The following LRRIQ4 variants were observed in gnomAD, a reference collection of about 807,000 sequenced individuals.
The protein encoded by LRRIQ4 is leucine-rich repeat and IQ domain-containing protein 4.
LRRIQ4 carries 21 observed loss-of-function variants against 40.1 expected under a neutral mutation model. The ratio of observed to expected loss-of-function variants is 0.52; its 90% CI spans 0.37 to 0.75. LRRIQ4 has a LOEUF of 0.75. Ranked by LOEUF, LRRIQ4 falls within the 30% of genes least tolerant of loss-of-function variation. The pLI, the probability that LRRIQ4 is intolerant of heterozygous loss-of-function variation, is 0.00. For synonymous variants in LRRIQ4, 277 were observed against 277.1 expected (o/e 1.00, Z 0.00); for missense variants, 655 against 660.0 (o/e 0.99, Z 0.08).
intron 3 of LRRIQ4, 82 bp from the exon 4 acceptor site, chr3:169,830,410 T>TAAA: frequency 8.5e-6 from 1 of 117,252 alleles, no homozygotes; most frequent in East Asian, 2.0e-4. Flanking sequence ...AAAAAAAAAA[T>TAAA]GCATGAGCAC....
intron 1 of LRRIQ4, among the ~76,000 whole-genome samples, chr3:169,817,603 G>A (rs1779793629): frequency 1.3e-5 from 2 of 152,100 alleles, no homozygotes. Flanking sequence ...TACATAACTA[G>A]GTGATCCAGT....
In LRRIQ4 at chr3:169,833,036, G is replaced by A. The variant is rs1306573187; in HGVS notation, c.1383G>A (p.Glu461=). 1 of 1,613,760 alleles carries A rather than the reference G, an allele frequency of 6.2e-7. No individual in the cohort carries two copies. ...LEDNLLTHLP[E]NLDSLVNLKV... ...ACAACTTGCTCACCCATCTTCCAGA[G>A]AATTTGGATTCCCTAGTGAATCTTA... The change falls in exon 5 of 6, where the codon GAG becomes GAA. Residue 461 remains glutamate, a synonymous_variant. Coordinates refer to ENST00000340806, the MANE Select transcript of LRRIQ4 (RefSeq NM_001080460.3).
chr3:169,821,069 G>A (rs777734467), intron 1 of LRRIQ4, among the ~76,000 whole-genome samples: 6 of 152,182 alleles, frequency 3.9e-5, no homozygotes, highest in Non-Finnish European at 7.4e-5. Flanking sequence ...CCTCAAACTT[G>A]CAAATGCCAT....
Position 169,831,996 on chromosome 3 carries a change from GA to G in LRRIQ4, c.1334-981del, listed in dbSNP as rs1242102893. On this transcript the variant is annotated intron_variant, in intron 4 of 5. Coordinates refer to ENST00000340806, the MANE Select transcript of LRRIQ4 (RefSeq NM_001080460.3). Reference sequence around the variant, plus strand: ...AAGTTAAAAAATTTAAAAAAAAAAAGAAAAAAAAAATGGAGACAAGGGGTTG... The same window carrying G: ...AAGTTAAAAAATTTAAAAAAAAAAAGAAAAAAAAATGGAGACAAGGGGTTG... 5.0e-3 allele frequency among the ~76,000 whole-genome samples: 726 copies of G among 144,986 alleles called. 7 individuals carry two copies. The highest frequency in any genetic ancestry group is 0.016 in the African/African-American group (623 of 39,210).
At chr3:169,834,407 T>A (rs758466584) in intron 5 of LRRIQ4, among the ~76,000 whole-genome samples, 8 of 152,220 alleles carry the variant, frequency 5.3e-5, no homozygotes, top group Non-Finnish European at 8.8e-5. Context: ...TGGATTACAC[T>A]TGAAAGAATG....
rs869088396 is a variant in LRRIQ4 at position 169,831,261 on chromosome 3, C to CTTTTT, written c.1333+657_1333+661dup. On this transcript the variant is annotated intron_variant, in intron 4 of 5. Transcript: ENST00000340806. The stretch of plus-strand genomic sequence containing the variant: ...CACATGTTTTCAAACTATGGCTATT[C>CTTTTT]TTTTTTTTTTTTTTTTTTTTTTTTT... Among the ~76,000 whole-genome samples, 68 of 33,450 alleles carry CTTTTT rather than the reference C, an allele frequency of 2.0e-3. 6 individuals are homozygous for CTTTTT. Among genetic ancestry groups the CTTTTT allele is most frequent in the African/African-American group, 2.5e-3 (24 of 9,752 alleles). 21.9% of individuals were successfully genotyped at this position (33,450 alleles called of 152,430 possible). A position where few individuals can be genotyped will look rare whatever the true frequency, so the allele number is the denominator to read the frequency against.
At chr3:169,831,523 T>C (rs1209018389) in intron 4 of LRRIQ4, among the ~76,000 whole-genome samples, 112 of 133,556 alleles carry the variant, frequency 8.4e-4, no homozygotes, top group African/African-American at 1.4e-3. Context: ...AGGATGGTCT[T>C]GATCTCCTGA....
chr3:169,830,377 G>GAA (rs56795981), intron 3 of LRRIQ4, 115 bp from the exon 4 acceptor site: 2,876 of 106,362 alleles, frequency 0.027, 820 homozygotes, highest in Admixed American at 0.033. Flanking sequence ...CACTGAAAGT[G>GAA]AAAAAAAAAA....
At chr3:169,835,977 C>T (rs1780294589) in intron 5 of LRRIQ4, among the ~76,000 whole-genome samples, 1 of 152,054 alleles carries the variant, frequency 6.6e-6, no homozygotes, top group Non-Finnish European at 1.5e-5. Flanking sequence ...ACAGCATACC[C>T]CCAGCCACCT....
chr3:169,823,044 C>T (rs916724133), intron 2 of LRRIQ4, 103 bp downstream of exon 2: 2 of 935,930 alleles, frequency 2.1e-6, no homozygotes, highest in Non-Finnish European at 3.0e-6. Flanking sequence ...ACTTTATGGG[C>T]GAAAATCCAA....
Position 169,832,982 on chromosome 3 carries a change from T to C in LRRIQ4, c.1334-5T>C. On this transcript the variant is annotated splice_polypyrimidine_tract_variant and splice_region_variant and intron_variant, in intron 4 of 5. Coordinates refer to ENST00000340806, the MANE Select transcript of LRRIQ4 (RefSeq NM_001080460.3). ...TGAACCACCATTACGAAAAAATCTT[T>C]TCAGCTTTGAAAGAATTACGGCTGG... The C allele has an allele frequency of 3.1e-6, 5 of 1,608,616 alleles. No individual in the cohort carries two copies. The highest frequency in any genetic ancestry group is 3.4e-6 in the Non-Finnish European group (4 of 1,178,080).
At chr3:169,827,820 C>A (rs1780075154) in intron 2 of LRRIQ4, among the ~76,000 whole-genome samples, 1 of 152,126 alleles carries the variant, frequency 6.6e-6, no homozygotes, top group Admixed American at 6.6e-5. Flanking sequence ...AAAAAGTATG[C>A]AAGCACTGTA....
intron 1 of LRRIQ4, among the ~76,000 whole-genome samples, chr3:169,818,837 G>A (rs1779815766): frequency 6.6e-6 from 1 of 152,136 alleles, no homozygotes; most frequent in Non-Finnish European, 1.5e-5. Context: ...CTTTTAACTA[G>A]AAATGGGTTT....
In LRRIQ4 at chr3:169,820,372, C is replaced by G. The variant is rs147047683; in HGVS notation, c.-31-1519C>G. On this transcript the variant is annotated intron_variant, in intron 1 of 5. Coordinates refer to ENST00000340806, the MANE Select transcript of LRRIQ4 (RefSeq NM_001080460.3). ...TTATAAGCCTAGTAGTGTAAGTCTG[C>G]TGATTTTGTTTTCACTAAAGATTAT... Among the ~76,000 whole-genome samples the G allele has an allele frequency of 6.8e-4, 102 of 151,010 alleles. 1 individual carries two copies. The East Asian group carries it at 0.018, about 26-fold the overall frequency.
chr3:169,828,651 TA>T, intron 2 of LRRIQ4, 107 bp from the exon 3 acceptor site: 1 of 927,510 alleles, frequency 1.1e-6, no homozygotes, highest in Non-Finnish European at 1.7e-6. Flanking sequence ...TAGGAGAGGC[TA>T]AGTTACTCCA....
intron 1 of LRRIQ4, among the ~76,000 whole-genome samples, chr3:169,815,419 T>G (rs1187232826): frequency 6.6e-6 from 1 of 152,154 alleles, no homozygotes; most frequent in Non-Finnish European, 1.5e-5. Flanking sequence ...ATGGGATTAT[T>G]TTCTTACTTT....
At position 169,830,629 on chromosome 3, in the gene LRRIQ4, A is replaced by T. The variant is rs780165658; in HGVS notation, c.1332A>T (p.Gln444His). 2.5e-6 allele frequency: 4 copies of T among 1,613,758 alleles called. No homozygotes were observed. Among genetic ancestry groups the T allele is most frequent in the Non-Finnish European group, 3.4e-6 (4 of 1,179,856 alleles). ...TTCCAGATGCCATTTGCCAAGCACA[A>T]GGTGAGGAAACTTAGTAGATTCACA... ...KQLPDAICQAQALKELRLEDN... is the reference protein window; with the variant it reads ...KQLPDAICQAHALKELRLEDN... Residue 444 changes from glutamine (Q) to histidine (H), a missense_variant and splice_region_variant, in exon 4 of 6, where the codon CAA becomes CAT. Gln to His is a conservative substitution (Grantham distance 24). Transcript: ENST00000340806.
chr3:169,820,058 T>G (rs1779844778), intron 1 of LRRIQ4, among the ~76,000 whole-genome samples: 1 of 152,204 alleles, frequency 6.6e-6, no homozygotes, highest in South Asian at 2.1e-4. Flanking sequence ...TAGTGTTGTG[T>G]TTTGAGGAAT....
chr3:169,824,934 G>A (rs1780006359), intron 2 of LRRIQ4, among the ~76,000 whole-genome samples: 1 of 152,080 alleles, frequency 6.6e-6, no homozygotes, highest in South Asian at 2.1e-4. Flanking sequence ...GCTTTACCTG[G>A]CCATGGACAC....
Sources: gnomAD v4.1 joint callset for allele counts (sites outside exome capture counted in the v4.1 genomes callset) on GRCh38, gnomAD v4.1.1 for gene constraint, MANE v1.5 for transcripts, NCBI Gene and HGNC (gene_info 2026-07-23, HGNC 2026-07-21) for gene names.